PGM5: variants seen among roughly 807,000 people sequenced by gnomAD.
PGM5 encodes the protein phosphoglucomutase 5.
PGM5 carries 23 observed loss-of-function variants against 59.2 expected under a neutral mutation model. The observed-to-expected ratio is 0.39, with a 90% CI of 0.28 to 0.55. The LOEUF is 0.55. Ranked by LOEUF, PGM5 falls within the 20% of genes least tolerant of loss-of-function variation. The pLI, the probability that PGM5 is intolerant of heterozygous loss-of-function variation, is 0.66. For synonymous variants in PGM5, 214 were observed against 286.0 expected, an observed-to-expected ratio of 0.75 and a Z score of 2.54; for missense variants, 574 against 748.3, an observed-to-expected ratio of 0.77 and a Z score of 2.72.
intron 3 of PGM5, among the ~76,000 whole-genome samples, chr9:68,387,153 G>A (rs1257348291): frequency 6.6e-6 from 1 of 151,884 alleles, no homozygotes; most frequent in Non-Finnish European, 1.5e-5. Context: ...AGGGAAAGTG[G>A]GAGCAGGAGT....
intron 6 of PGM5, among the ~76,000 whole-genome samples, chr9:68,408,454 A>G (rs1822861850): frequency 6.6e-6 from 1 of 152,128 alleles, no homozygotes; most frequent in African/African-American, 2.4e-5. Context: ...GTTTGAGTTC[A>G]TTGTAGACTC....
intron 6 of PGM5, among the ~76,000 whole-genome samples, chr9:68,415,793 A>ATCTG (rs1554681928): frequency 2.3e-5 from 2 of 86,338 alleles, no homozygotes; most frequent in East Asian, 3.1e-4. Flanking sequence ...CTATCTATCT[A>ATCTG]TCTATCTATC....
rs544476484 is a variant in PGM5 at position 68,518,132 on chromosome 9, A to G, written c.1615-11435A>G. ...TCGTGTGGCCAAAAGAAATATGGTT[A>G]GTTAAGTACACATCAAAGGCAGAGA... On this transcript the variant is annotated intron_variant, in intron 10 of 10. Transcript: ENST00000396396. Among the ~76,000 whole-genome samples, 13 of 152,358 alleles carry G rather than the reference A, an allele frequency of 8.5e-5. No homozygotes were observed. The East Asian group carries it at 2.5e-3, about 29-fold the overall frequency.
intron 6 of PGM5, among the ~76,000 whole-genome samples, chr9:68,453,804 A>T (rs781999800): frequency 2.0e-5 from 3 of 152,224 alleles, no homozygotes; most frequent in Admixed American, 1.3e-4. Flanking sequence ...CCTTCAAGAG[A>T]CTAACGGATT....
chr9:68,488,937 G>A (rs557407449), intron 9 of PGM5, among the ~76,000 whole-genome samples: 1 of 152,298 alleles, frequency 6.6e-6, no homozygotes. Flanking sequence ...GGAGTTCCCA[G>A]TTTATACCTT....
At chr9:68,529,153 G>GCTT (rs962543593) in intron 10 of PGM5, among the ~76,000 whole-genome samples, 20 of 142,296 alleles carry the variant, frequency 1.4e-4, no homozygotes, top group Admixed American at 2.2e-4. Flanking sequence ...TGAAGAATGA[G>GCTT]CTTTTATTCT....
intron 6 of PGM5, among the ~76,000 whole-genome samples, chr9:68,433,825 G>A (rs1256219487): frequency 1.3e-5 from 2 of 152,220 alleles, no homozygotes; most frequent in East Asian, 3.8e-4. Context: ...GGTCAGGAAA[G>A]ATGGTTTGGT....
At chr9:68,444,358 A>T (rs1554683886) in intron 6 of PGM5, among the ~76,000 whole-genome samples, 1 of 152,138 alleles carries the variant, frequency 6.6e-6, no homozygotes, top group African/African-American at 2.4e-5. Flanking sequence ...TATGGTTATG[A>T]TATAAGGAAA....
At chr9:68,423,367 C>T (rs782696774) in intron 6 of PGM5, among the ~76,000 whole-genome samples, 46 of 152,232 alleles carry the variant, frequency 3.0e-4, no homozygotes, top group Non-Finnish European at 3.1e-4. Context: ...CCCTGTTCAC[C>T]GCATCCACAC....
At chr9:68,480,008 T>TG (rs546018326) in intron 8 of PGM5, among the ~76,000 whole-genome samples, 36 of 151,900 alleles carry the variant, frequency 2.4e-4, no homozygotes, top group Non-Finnish European at 4.6e-4. Flanking sequence ...TATAGATAGT[T>TG]GGGGGTGGTG....
At chr9:68,469,355 T>G (rs1455080117) in intron 7 of PGM5, among the ~76,000 whole-genome samples, 2 of 149,120 alleles carry the variant, frequency 1.3e-5, no homozygotes, top group Non-Finnish European at 2.9e-5. Flanking sequence ...AATAATAGTG[T>G]TTTTTAAAAA....
At chr9:68,440,692 T>C (rs574880047) in intron 6 of PGM5, among the ~76,000 whole-genome samples, 1 of 152,146 alleles carries the variant, frequency 6.6e-6, no homozygotes, top group Non-Finnish European at 1.5e-5. Context: ...AATTCTTTAA[T>C]ATAAGCATTA....
At chr9:68,523,179 C>A (rs1824923688) in intron 10 of PGM5, among the ~76,000 whole-genome samples, 1 of 152,210 alleles carries the variant, frequency 6.6e-6, no homozygotes, top group Non-Finnish European at 1.5e-5. Flanking sequence ...CTGGTCCAAT[C>A]AGCTGCAGCC....
At chr9:68,415,748 A>G (rs1415917618) in intron 6 of PGM5, among the ~76,000 whole-genome samples, 1 of 119,298 alleles carries the variant, frequency 8.4e-6, no homozygotes, top group Non-Finnish European at 1.8e-5. Context: ...TTCTACTTCA[A>G]CTCTTGATTA....
intron 10 of PGM5, among the ~76,000 whole-genome samples, chr9:68,528,260 A>G (rs898118577): frequency 3.3e-5 from 5 of 151,956 alleles, no homozygotes; most frequent in African/African-American, 1.2e-4. Flanking sequence ...TTCTTTTTAG[A>G]GACAGGCAGG....
chr9:68,357,473 A>T, intron 1 of PGM5, 85 bp downstream of exon 1: 1 of 1,514,788 alleles, frequency 6.6e-7, no homozygotes, highest in South Asian at 1.2e-5. Context: ...CTCCGGGCCC[A>T]GTTGGGAGGC....
At chr9:68,434,772 A>G (rs1351969066) in intron 6 of PGM5, among the ~76,000 whole-genome samples, 3 of 151,784 alleles carry the variant, frequency 2.0e-5, no homozygotes, top group Non-Finnish European at 4.4e-5. Flanking sequence ...ACTGAGAGAC[A>G]GCAAGACTCC....
chr9:68,528,239 AT>A (rs1564030172), intron 10 of PGM5, among the ~76,000 whole-genome samples: 2 of 151,826 alleles, frequency 1.3e-5, no homozygotes, highest in South Asian at 4.2e-4. Context: ...TTTTTATTTT[AT>A]TTTTATTTTT....
At chr9:68,513,189 G>A (rs1419860703) in intron 10 of PGM5, among the ~76,000 whole-genome samples, 1 of 152,192 alleles carries the variant, frequency 6.6e-6, no homozygotes, top group Non-Finnish European at 1.5e-5. Flanking sequence ...TGTATACATA[G>A]ATGAATTGTG....
Sources: gnomAD v4.1 joint callset for allele counts (sites outside exome capture counted in the v4.1 genomes callset) on GRCh38, gnomAD v4.1.1 for gene constraint, MANE v1.5 for transcripts, NCBI Gene and HGNC (gene_info 2026-07-23, HGNC 2026-07-21) for gene names.